The following DPYS variants were observed in gnomAD, a reference collection of about 807,000 sequenced individuals.
DPYS encodes the protein dihydropyrimidinase, also known as dihydropyrimidine amidohydrolase.
A neutral mutation model predicts 50.3 loss-of-function variants in DPYS; 39 were observed. That is an observed-to-expected ratio of 0.78 (90% CI 0.60 to 1.01). DPYS has a LOEUF of 1.01. DPYS is among the 50% of genes least tolerant of loss of function. The pLI is 0.00. For missense variants in DPYS, 659 were observed against 680.9 expected (o/e 0.97, Z 0.36); for synonymous variants, 245 against 250.7 (o/e 0.98, Z 0.22).
intron 2 of DPYS, among the ~76,000 whole-genome samples, chr8:104,449,453 C>T (rs1456292533): frequency 1.3e-5 from 2 of 152,218 alleles, no homozygotes; most frequent in Non-Finnish European, 2.9e-5. Flanking sequence ...CCAGCATCAG[C>T]AGCGTCACCT....
chr8:104,382,195 G>T (rs16871364), intron 8 of DPYS, among the ~76,000 whole-genome samples: 51,836 of 151,882 alleles, frequency 0.34, 11,165 homozygotes, highest in African/African-American at 0.6. Flanking sequence ...AAACACCGAG[G>T]ATCCAACACA....
At chr8:104,423,405 A>C (rs772786233) in intron 7 of DPYS, among the ~76,000 whole-genome samples, 3 of 152,182 alleles carry the variant, frequency 2.0e-5, no homozygotes, top group Non-Finnish European at 4.4e-5. Flanking sequence ...GTTTTCCCAA[A>C]GGTAACCCAG....
chr8:104,428,312 G>A (rs542702579), intron 5 of DPYS, among the ~76,000 whole-genome samples, 191 bp from the exon 6 acceptor site: 100 of 152,294 alleles, frequency 6.6e-4, no homozygotes, highest in African/African-American at 2.3e-3. Context: ...CACTTTCAGA[G>A]GACACACTGA....
chr8:104,391,468 T>G (rs955093371), intron 8 of DPYS, among the ~76,000 whole-genome samples: 1 of 152,202 alleles, frequency 6.6e-6, no homozygotes, highest in African/African-American at 2.4e-5. Context: ...ATTGGACCCA[T>G]GTGGGATTGA....
At chr8:104,397,089 A>T (rs1811618202) in intron 7 of DPYS, among the ~76,000 whole-genome samples, 2 of 152,156 alleles carry the variant, frequency 1.3e-5, no homozygotes, top group Non-Finnish European at 2.9e-5. Flanking sequence ...CTCCAATCTT[A>T]GGAGCTTTCA....
rs187298794 is a variant in DPYS, at chr8:104,439,401, G to A, written c.793+4847C>T. On this transcript the variant is annotated intron_variant, in intron 4 of 9. Coordinates refer to ENST00000351513, the MANE Select transcript of DPYS (RefSeq NM_001385.3). ...CCCCCAAAATTAATCTTTTAATAAT[G>A]ATAAAAATAGCAAAATGATAACGTC... Among the ~76,000 whole-genome samples, 122 of 152,140 alleles carry A rather than the reference G, an allele frequency of 8.0e-4. 1 individual carries two copies. In the South Asian group the frequency reaches 0.011, roughly 14 times the overall value.
intron 7 of DPYS, among the ~76,000 whole-genome samples, chr8:104,421,857 C>G (rs557605450): frequency 3.3e-5 from 5 of 152,198 alleles, no homozygotes; most frequent in African/African-American, 1.2e-4. Flanking sequence ...AAAGGAAGGG[C>G]AAGACAATGT....
At chr8:104,457,298 G>A (rs889575458) in intron 1 of DPYS, among the ~76,000 whole-genome samples, 1 of 152,192 alleles carries the variant, frequency 6.6e-6, no homozygotes, top group African/African-American at 2.4e-5. Context: ...GCATGAATGT[G>A]CTGGACATAG....
intron 6 of DPYS, among the ~76,000 whole-genome samples, chr8:104,426,861 C>T (rs1461421112): frequency 6.6e-6 from 1 of 152,102 alleles, no homozygotes; most frequent in Non-Finnish European, 1.5e-5. Flanking sequence ...ACTTTTGTGA[C>T]TTCATATAGC....
chr8:104,453,425 T>C (rs1813822476), intron 1 of DPYS, among the ~76,000 whole-genome samples: 1 of 152,244 alleles, frequency 6.6e-6, no homozygotes, highest in East Asian at 1.9e-4. Flanking sequence ...CCCTTGAGGA[T>C]GAAGGACATT....
intron 1 of DPYS, among the ~76,000 whole-genome samples, chr8:104,464,544 T>C (rs3133281): frequency 0.19 from 29,144 of 152,190 alleles, 2,886 homozygotes; most frequent in Middle Eastern, 0.28. Flanking sequence ...GTGGGAGTGT[T>C]CAATGGGATG....
At chr8:104,426,800 G>A (rs748938647) in intron 6 of DPYS, among the ~76,000 whole-genome samples, 38 of 152,310 alleles carry the variant, frequency 2.5e-4, no homozygotes, top group Admixed American at 3.3e-4. Context: ...TCCTCAGGGA[G>A]AAGTTTTGTA....
rs1214914182 is a variant in DPYS, at chr8:104,447,329, C to A, written c.598G>T (p.Ala200Ser). The part of the protein sequence containing the change: ...QVHAENGDLI[A>S]EGAKKMLALG... Reference sequence around the variant, plus strand: ...TTTGGAATGCAAATGCGTACCTCTGCAATTAAGTCTCCATTTTCCGCATGG... The same window carrying A: ...TTTGGAATGCAAATGCGTACCTCTGAAATTAAGTCTCCATTTTCCGCATGG... Residue 200 changes from alanine (A) to serine (S), a missense_variant, in exon 3 of 10, where the codon GCA (alanine) becomes TCA (serine). Transcript: ENST00000351513. 24 of 1,614,130 alleles carry A rather than the reference C, an allele frequency of 1.5e-5. No individual in the cohort carries two copies. The highest frequency in any genetic ancestry group is 2.2e-5 in the East Asian group (1 of 44,874).
intron 7 of DPYS, 117 bp from the exon 8 acceptor site, chr8:104,393,108 C>G (rs543269380): frequency 1.8e-5 from 15 of 841,868 alleles, no homozygotes; most frequent in Non-Finnish European, 2.7e-5. Flanking sequence ...TAAGTCATAG[C>G]TTCATCACTG....
At chr8:104,439,577 G>A (rs1301544355) in intron 4 of DPYS, among the ~76,000 whole-genome samples, 2 of 152,186 alleles carry the variant, frequency 1.3e-5, no homozygotes, top group African/African-American at 2.4e-5. Context: ...GAGGCCAGGA[G>A]TTCAAGACCA....
chr8:104,382,843 A>T (rs567347507), intron 8 of DPYS, among the ~76,000 whole-genome samples: 1 of 152,080 alleles, frequency 6.6e-6, no homozygotes, highest in Non-Finnish European at 1.5e-5. Context: ...GCTCTTTTGC[A>T]GTGAGTGCCT....
At chr8:104,428,554 T>C (rs1292398012) in intron 5 of DPYS, among the ~76,000 whole-genome samples, 2 of 152,250 alleles carry the variant, frequency 1.3e-5, no homozygotes, top group Non-Finnish European at 2.9e-5. Context: ...TCCTCATGAA[T>C]GGAGGGCAGG....
intron 8 of DPYS, among the ~76,000 whole-genome samples, chr8:104,386,799 T>A (rs188199345): frequency 1.0e-3 from 153 of 152,090 alleles, no homozygotes; most frequent in Non-Finnish European, 6.3e-4. Context: ...GGCTAATTTT[T>A]GCATTTTTAG....
intron 7 of DPYS, among the ~76,000 whole-genome samples, chr8:104,414,321 C>T (rs942446761): frequency 7.2e-5 from 11 of 152,122 alleles, no homozygotes; most frequent in Non-Finnish European, 1.5e-5. Context: ...GTTTCTCAAA[C>T]TTGAGTGTGT....
Sources: gnomAD v4.1 joint callset for allele counts (sites outside exome capture counted in the v4.1 genomes callset) on GRCh38, gnomAD v4.1.1 for gene constraint, MANE v1.5 for transcripts, NCBI Gene and HGNC (gene_info 2026-07-23, HGNC 2026-07-21) for gene names.